SNTG2: variants seen among roughly 807,000 people sequenced by gnomAD.
SNTG2 encodes the protein gamma-2-syntrophin.
In SNTG2, 74 loss-of-function variants were observed where a neutral mutation model predicts 70.9. The ratio of observed to expected loss-of-function variants is 1.04; its 90% CI spans 0.86 to 1.27. The LOEUF is 1.27. Among genes scored for constraint, SNTG2 ranks in the 50% most tolerant of loss-of-function variants. The pLI is 0.00. For synonymous variants in SNTG2, 278 were observed against 273.8 expected (o/e 1.02, Z -0.15); for missense variants, 717 against 690.7 (o/e 1.04, Z -0.43).
intron 6 of SNTG2, among the ~76,000 whole-genome samples, chr2:1,147,512 G>C (rs1469014007): frequency 6.6e-6 from 1 of 152,220 alleles, no homozygotes; most frequent in Non-Finnish European, 1.5e-5. Context: ...AAGTTCTTCA[G>C]CTTTGGAACT....
chr2:1,338,906 ATAACTCTATT>A (rs1219818268), intron 16 of SNTG2, among the ~76,000 whole-genome samples: 1 of 152,204 alleles, frequency 6.6e-6, no homozygotes, highest in African/African-American at 2.4e-5. Context: ...AGGTCATATC[ATAACTCTATT>A]TAACTTTCTT....
chr2:1,236,369 ACAG>A (rs1378176822), intron 9 of SNTG2, among the ~76,000 whole-genome samples: 1 of 152,236 alleles, frequency 6.6e-6, no homozygotes, highest in Non-Finnish European at 1.5e-5. Flanking sequence ...ATCCTGAGGG[ACAG>A]GTGCTCCCCA....
intron 7 of SNTG2, among the ~76,000 whole-genome samples, chr2:1,169,109 G>A (rs1325924937): frequency 2.0e-5 from 3 of 152,128 alleles, no homozygotes; most frequent in African/African-American, 7.2e-5. Context: ...CTTGTGAGGG[G>A]GCAGCGTGAG....
intron 14 of SNTG2, among the ~76,000 whole-genome samples, chr2:1,300,611 C>G (rs944311646): frequency 3.3e-5 from 5 of 152,174 alleles, no homozygotes; most frequent in Non-Finnish European, 7.3e-5. Context: ...TCCCATACCC[C>G]ATCCTGATGT....
rs540845441 is a variant in SNTG2, at chr2:1,006,147, AT to A, written c.72+55080del. Among the ~76,000 whole-genome samples, 26 of 128,778 alleles carry A rather than the reference AT, an allele frequency of 2.0e-4. No homozygotes were observed. In the Admixed American group the frequency reaches 2.4e-3, roughly 12 times the overall value. The allele number at this position is 128,778 out of a possible 152,430, so 84.5% of individuals were successfully genotyped here. On this transcript the variant is annotated intron_variant, in intron 1 of 16. Coordinates refer to ENST00000308624, the MANE Select transcript of SNTG2 (RefSeq NM_018968.4). ...ATCACATGGACACAGGAAGGGGAAT[AT>A]CACACTCTGGGGACTGTGGTGGGGT...
intron 9 of SNTG2, among the ~76,000 whole-genome samples, chr2:1,234,887 G>A (rs944896344): frequency 5.9e-5 from 9 of 152,176 alleles, no homozygotes; most frequent in East Asian, 5.8e-4. Context: ...CTGACTTTAC[G>A]AGGATGACCA....
Position 950,948 on chromosome 2 carries a change from G to A in SNTG2, c.-49G>A, listed in dbSNP as rs1469724939. ...CCTGGGAGGCTCGGACGGGGTCCTG[G>A]CGTTGAGCTCGGCCGGCCCGGAGCG... On this transcript the variant is annotated 5_prime_UTR_variant, in exon 1 of 17. Transcript: ENST00000308624. The A allele has an allele frequency of 9.9e-6, 10 of 1,011,020 alleles. No individual in the cohort carries two copies. The highest frequency in any genetic ancestry group is 8.8e-6 in the Non-Finnish European group (7 of 793,820). The allele number at this position is 1,011,020 out of a possible 1,614,324, so 62.6% of individuals were successfully genotyped here.
In SNTG2 at chr2:987,850, T is replaced by C. The variant is rs1267390579; in HGVS notation, c.72+36782T>C. Among the ~76,000 whole-genome samples, 8 of 152,170 alleles carry C rather than the reference T, an allele frequency of 5.3e-5. No homozygotes were observed. The South Asian group carries it at 1.7e-3, about 32-fold the overall frequency. On this transcript the variant is annotated intron_variant, in intron 1 of 16. Coordinates refer to ENST00000308624, the MANE Select transcript of SNTG2 (RefSeq NM_018968.4). ...GACTGAGGAGAAGGTTCTGGAGATG[T>C]GGAAGGAAGGCCGCGCAGCCTTGCC...
At chr2:1,245,910 G>A (rs949720808) in intron 11 of SNTG2, among the ~76,000 whole-genome samples, 3 of 152,136 alleles carry the variant, frequency 2.0e-5, no homozygotes, top group Admixed American at 6.5e-5. Context: ...AATTCTACCC[G>A]TTTCATGATG....
At chr2:1,308,045 C>T (rs1680789285) in intron 14 of SNTG2, among the ~76,000 whole-genome samples, 1 of 152,196 alleles carries the variant, frequency 6.6e-6, no homozygotes, top group African/African-American at 2.4e-5. Context: ...TACTGCTCTT[C>T]AGAATTTTCT....
chr2:1,014,812 G>C (rs1293319694), intron 1 of SNTG2, among the ~76,000 whole-genome samples: 1 of 152,134 alleles, frequency 6.6e-6, no homozygotes, highest in African/African-American at 2.4e-5. Flanking sequence ...GATTTATAAG[G>C]GTGGAGAGAC....
chr2:1,078,661 T>C (rs1233668479), intron 1 of SNTG2, among the ~76,000 whole-genome samples: 1 of 152,214 alleles, frequency 6.6e-6, no homozygotes, highest in African/African-American at 2.4e-5. Context: ...GAGAATGATG[T>C]TACCTGAACC....
chr2:1,069,339 GAAA>G (rs36036888), intron 1 of SNTG2, among the ~76,000 whole-genome samples: 26,684 of 142,718 alleles, frequency 0.19, 2,429 homozygotes, highest in South Asian at 0.24. Flanking sequence ...TTATATAAAT[GAAA>G]AAAAAAAAAA....
chr2:1,017,841 T>C (rs1266195981), intron 1 of SNTG2, among the ~76,000 whole-genome samples: 1 of 152,176 alleles, frequency 6.6e-6, no homozygotes, highest in East Asian at 1.9e-4. Context: ...TCAATAACTG[T>C]CAGGTTCCGA....
chr2:1,348,934 T>C (rs1430723751), intron 16 of SNTG2, among the ~76,000 whole-genome samples: 3 of 152,240 alleles, frequency 2.0e-5, no homozygotes, highest in Non-Finnish European at 4.4e-5. Context: ...CAGTGGGTTA[T>C]TCTTGACTGA....
intron 1 of SNTG2, among the ~76,000 whole-genome samples, chr2:1,054,335 C>T (rs1662258130): frequency 6.6e-6 from 1 of 152,056 alleles, no homozygotes; most frequent in African/African-American, 2.4e-5. Context: ...ACCAGGAGTT[C>T]ACTCTTCTTC....
intron 9 of SNTG2, among the ~76,000 whole-genome samples, chr2:1,226,606 G>A (rs962095486): frequency 2.0e-5 from 3 of 152,040 alleles, no homozygotes; most frequent in Admixed American, 1.3e-4. Flanking sequence ...GAGAAACGTG[G>A]GACCCAGCTT....
In SNTG2 at chr2:1,058,191, G is replaced by A. The variant is rs146612497; in HGVS notation, c.73-25327G>A. ...AAAATTAGTATTTTTCTACCAACAC[G>A]TAAATTTAGAGTACAGTTTTTTGAA... On this transcript the variant is annotated intron_variant, in intron 1 of 16. Coordinates refer to ENST00000308624, the MANE Select transcript of SNTG2 (RefSeq NM_018968.4). Among the ~76,000 whole-genome samples the A allele has an allele frequency of 1.3e-3, 197 of 152,064 alleles. 2 individuals are homozygous for A. Among genetic ancestry groups the A allele is most frequent in the African/African-American group, 4.6e-3 (189 of 41,446 alleles).
At chr2:997,600 A>C (rs1661730690) in intron 1 of SNTG2, among the ~76,000 whole-genome samples, 1 of 151,774 alleles carries the variant, frequency 6.6e-6, no homozygotes, top group Non-Finnish European at 1.5e-5. Flanking sequence ...GCCATGACAG[A>C]GACAGAACTA....
Sources: gnomAD v4.1 joint callset for allele counts (sites outside exome capture counted in the v4.1 genomes callset) on GRCh38, gnomAD v4.1.1 for gene constraint, MANE v1.5 for transcripts, NCBI Gene and HGNC (gene_info 2026-07-23, HGNC 2026-07-21) for gene names.